The following MCTP2 variants were observed in gnomAD, a reference collection of about 807,000 sequenced individuals.
The protein encoded by MCTP2 is multiple C2 and transmembrane domain containing 2.
In MCTP2, 132 loss-of-function variants were observed where a neutral mutation model predicts 111.6. That is an observed-to-expected ratio of 1.18 (90% CI 1.03 to 1.37). The LOEUF (loss-of-function observed/expected upper bound fraction) is 1.37, where lower values mean the gene tolerates loss of function less well. MCTP2 is among the 40% of genes most tolerant of loss of function. The pLI is 0.00. For missense variants in MCTP2, 1,183 were observed against 1,067.9 expected (o/e 1.11, Z -1.50); for synonymous variants, 395 against 387.7 (o/e 1.02, Z -0.22).
chr15:94,282,295 T>C (rs551910682), intron 1 of MCTP2, among the ~76,000 whole-genome samples: 40 of 152,342 alleles, frequency 2.6e-4, no homozygotes, highest in African/African-American at 9.4e-4. Context: ...AAATAAGTTG[T>C]TTTTGAATTC....
intron 8 of MCTP2, among the ~76,000 whole-genome samples, chr15:94,345,495 A>G (rs1023246517): frequency 6.6e-6 from 1 of 152,174 alleles, no homozygotes; most frequent in Non-Finnish European, 1.5e-5. Flanking sequence ...TGAGATGGAA[A>G]CTAGCATTGG....
At position 94,356,539 on chromosome 15, in the gene MCTP2, A is replaced by G. The variant is rs545285640; in HGVS notation, c.1170+238A>G. On this transcript the variant is annotated intron_variant, in intron 9 of 22. Transcript: ENST00000357742. ...AGAGCTAGAGAAACCTTATTAAATC[A>G]TAGATTTGAATGTCTGACTTATTTT... 3.9e-5 allele frequency among the ~76,000 whole-genome samples: 6 copies of G among 152,320 alleles called. No individual in the cohort carries two copies. In the South Asian group the frequency reaches 8.3e-4, roughly 21 times the overall value.
At chr15:94,297,721 T>C (rs2075339523) in intron 1 of MCTP2, among the ~76,000 whole-genome samples, 2 of 152,186 alleles carry the variant, frequency 1.3e-5, no homozygotes, top group Admixed American at 6.5e-5. Context: ...AGTTGAGTAG[T>C]AGCGACAGAC....
intron 1 of MCTP2, among the ~76,000 whole-genome samples, chr15:94,254,229 T>A (rs1489684645): frequency 6.6e-6 from 1 of 152,242 alleles, no homozygotes; most frequent in Admixed American, 6.5e-5. Context: ...CTAATAATTA[T>A]TATACAGTGT....
intron 1 of MCTP2, among the ~76,000 whole-genome samples, chr15:94,272,159 T>G (rs936620326): frequency 1.3e-5 from 2 of 152,260 alleles, no homozygotes; most frequent in Non-Finnish European, 2.9e-5. Context: ...AACTCAATTA[T>G]GTGAAGAAGT....
chr15:94,388,430 G>A (rs2080653203), intron 14 of MCTP2, among the ~76,000 whole-genome samples: 1 of 152,110 alleles, frequency 6.6e-6, no homozygotes, highest in African/African-American at 2.4e-5. Flanking sequence ...AAATTCAGTG[G>A]TCCACCTGCA....
intron 4 of MCTP2, among the ~76,000 whole-genome samples, chr15:94,325,112 G>A (rs2076799165): frequency 6.6e-6 from 1 of 152,150 alleles, no homozygotes; most frequent in Admixed American, 6.5e-5. Context: ...GTGACGTGCT[G>A]AAGAGTGCTG....
rs146328234 is a variant in MCTP2, at chr15:94,317,616, C to T, written c.637+1979C>T. 5.4e-3 allele frequency among the ~76,000 whole-genome samples: 828 copies of T among 152,260 alleles called. 7 individuals are homozygous for T. The highest frequency in any genetic ancestry group is 0.019 in the African/African-American group (790 of 41,532). On this transcript the variant is annotated intron_variant, in intron 4 of 22. Coordinates refer to ENST00000357742, the MANE Select transcript of MCTP2 (RefSeq NM_001385001.1). Reference sequence around the variant, plus strand: ...CTGCTGCCTCCAAGCCTGGAGCATTCGTGGTTCACCTGCCATACACCCTTC... The same window carrying T: ...CTGCTGCCTCCAAGCCTGGAGCATTTGTGGTTCACCTGCCATACACCCTTC...
intron 17 of MCTP2, among the ~76,000 whole-genome samples, chr15:94,425,136 T>A (rs1414020240): frequency 2.0e-5 from 3 of 152,328 alleles, no homozygotes; most frequent in Middle Eastern, 6.8e-3. Flanking sequence ...ATTACATCTT[T>A]AAATCTACTT....
intron 10 of MCTP2, among the ~76,000 whole-genome samples, chr15:94,361,084 GT>G (rs67774490): frequency 0.023 from 196 of 8,404 alleles, no homozygotes; most frequent in East Asian, 0.052. Context: ...AATATTTCAA[GT>G]TTTTTTTTTT....
intron 17 of MCTP2, among the ~76,000 whole-genome samples, chr15:94,414,971 T>C (rs1048228565): frequency 6.6e-6 from 1 of 152,202 alleles, no homozygotes; most frequent in South Asian, 2.1e-4. Context: ...GTGTCTTTCC[T>C]GCTTTTTGCT....
intron 20 of MCTP2, among the ~76,000 whole-genome samples, chr15:94,464,267 A>AT (rs369153101): frequency 8.5e-5 from 6 of 70,186 alleles, no homozygotes; most frequent in Non-Finnish European, 1.5e-4. Flanking sequence ...TTATATATAT[A>AT]TATATATATA....
intron 8 of MCTP2, among the ~76,000 whole-genome samples, chr15:94,346,627 C>A (rs2077994992): frequency 6.6e-6 from 1 of 152,144 alleles, no homozygotes; most frequent in African/African-American, 2.4e-5. Context: ...TACTGTACAT[C>A]AATAACCATC....
chr15:94,380,954 G>A (rs1381816686), intron 12 of MCTP2, among the ~76,000 whole-genome samples: 1 of 152,216 alleles, frequency 6.6e-6, no homozygotes, highest in Non-Finnish European at 1.5e-5. Flanking sequence ...GCTATTGAGT[G>A]CAAAGTGCTA....
intron 17 of MCTP2, among the ~76,000 whole-genome samples, chr15:94,436,188 C>A (rs2083467625): frequency 6.6e-6 from 1 of 152,162 alleles, no homozygotes; most frequent in African/African-American, 2.4e-5. Context: ...TTCCTCCATT[C>A]AGAAGTAATG....
intron 1 of MCTP2, among the ~76,000 whole-genome samples, chr15:94,280,974 T>A (rs1385333366): frequency 6.6e-6 from 1 of 152,172 alleles, no homozygotes; most frequent in Non-Finnish European, 1.5e-5. Context: ...TTGTTGAGAA[T>A]TGCTTTATGG....
intron 20 of MCTP2, among the ~76,000 whole-genome samples, chr15:94,464,259 A>ATATAT (rs2085428945): frequency 4.7e-5 from 2 of 42,154 alleles, no homozygotes; most frequent in East Asian, 1.0e-3. Context: ...TATATATATT[A>ATATAT]TATATATATA....
chr15:94,301,855 A>AAG (rs57099479), intron 2 of MCTP2, among the ~76,000 whole-genome samples: 2,520 of 151,264 alleles, frequency 0.017, 69 homozygotes, highest in African/African-American at 0.058. Flanking sequence ...TTTTTAAACA[A>AAG]AGGGAATTCC....
At chr15:94,464,664 G>T (rs1191954745) in intron 20 of MCTP2, among the ~76,000 whole-genome samples, 1 of 151,728 alleles carries the variant, frequency 6.6e-6, no homozygotes. Context: ...ACAATTTCCT[G>T]TAAACACAAC....
Sources: allele counts gnomAD v4.1 joint callset (sites outside exome capture counted in the v4.1 genomes callset), GRCh38; gene constraint gnomAD v4.1.1; transcripts MANE v1.5; gene names NCBI Gene and HGNC (gene_info 2026-07-23, HGNC 2026-07-21).